KIAA1191: variants seen among roughly 807,000 people sequenced by gnomAD.
KIAA1191 encodes KIAA1191.
A neutral mutation model predicts 31.1 loss-of-function variants in KIAA1191; 22 were observed. That is an observed-to-expected ratio of 0.71 (90% CI 0.51 to 1.01). The LOEUF is 1.01. Among genes scored for constraint, KIAA1191 ranks in the 50% least tolerant of loss-of-function variants. The pLI is 0.00. For missense variants in KIAA1191, 319 were observed against 388.0 expected, an observed-to-expected ratio of 0.82 and a Z score of 1.49; for synonymous variants, 130 against 143.9, an observed-to-expected ratio of 0.90 and a Z score of 0.69.
Position 176,348,278 on chromosome 5 carries a change from G to A in KIAA1191, c.538C>T (p.Pro180Ser). 6.2e-7 allele frequency: 1 copy of A among 1,613,852 alleles called. No homozygotes were observed. Among genetic ancestry groups the A allele is most frequent in the Non-Finnish European group, 8.5e-7 (1 of 1,179,970 alleles). ...ASAQSTPSTT[P>S]HSSPKQRPRG... ...GGCCTCTGCTTAGGTGAAGAGTGCG[G>A]AGTGGTGCTTGGGGTGGACTGGGCT... is the stretch of plus-strand genomic sequence containing the variant. Residue 180 changes from proline to serine, a missense_variant, in exon 7 of 9, where the codon CCG becomes TCG. Physicochemically the swap from Pro to Ser is moderately conservative, Grantham distance 74. Transcript: ENST00000298569.
rs1766560817 is a variant in KIAA1191 at position 176,346,997 on chromosome 5, G to A, written c.*603C>T. The A allele has an allele frequency of 6.6e-6, 1 of 152,174 alleles. No individual in the cohort carries two copies. Among genetic ancestry groups the A allele is most frequent in the East Asian group, 1.9e-4 (1 of 5,208 alleles). The allele number at this position is 152,174 out of a possible 1,614,324, so 9.4% of individuals were successfully genotyped here. A position where few individuals can be genotyped will look rare whatever the true frequency, so the allele number is the denominator to read the frequency against. ...AGTACAAACATTCTTTACCTAGTAAGCAGTGATCAAAGTTCTTACCTAGGG... is the reference window on the plus strand; with the variant it reads ...AGTACAAACATTCTTTACCTAGTAAACAGTGATCAAAGTTCTTACCTAGGG... On this transcript the variant is annotated 3_prime_UTR_variant, in exon 9 of 9. Transcript: ENST00000298569.
intron 3 of KIAA1191, among the ~76,000 whole-genome samples, chr5:176,359,017 G>A (rs1341429496): frequency 6.6e-6 from 1 of 150,918 alleles, no homozygotes; most frequent in Non-Finnish European, 1.5e-5. Context: ...CCGGGAGGCG[G>A]AGCTTGCAGT....
In KIAA1191 at chr5:176,347,753, C is replaced by T. The variant is rs1766637337; in HGVS notation, c.765G>A (p.Leu255=). The change falls in exon 9 of 9, where the codon CTG becomes CTA. Residue 255 remains leucine (L), a synonymous_variant. Coordinates refer to ENST00000298569, the MANE Select transcript of KIAA1191 (RefSeq NM_020444.5). ...RGAQKPSPLE[L]IRAQANRMAE... is the part of the protein sequence containing the mutation. ...CCATTCGGTTGGCCTGGGCACGTAT[C>T]AGTTCCAATGGAGAGGGCTTCTGGG... 1 of 1,610,200 alleles carries T rather than the reference C, an allele frequency of 6.2e-7. No individual in the cohort carries two copies. The highest frequency in any genetic ancestry group is 8.5e-7 in the Non-Finnish European group (1 of 1,178,362).
chr5:176,358,573 G>A (rs375923298), intron 3 of KIAA1191, among the ~76,000 whole-genome samples: 11 of 151,982 alleles, frequency 7.2e-5, no homozygotes, highest in South Asian at 2.1e-4. Context: ...AAAATTAGCC[G>A]GGCGTGGTGG....
chr5:176,347,530 G>T lies in KIAA1191; in HGVS notation c.*70C>A. Reference sequence around the variant, plus strand: ...AAGTTTTTAAATATACCTTTCCTATGTCAAAGCCAAGGTAAAAGGGGAGTG... The same window carrying T: ...AAGTTTTTAAATATACCTTTCCTATTTCAAAGCCAAGGTAAAAGGGGAGTG... On this transcript the variant is annotated 3_prime_UTR_variant, in exon 9 of 9. Coordinates refer to ENST00000298569, the MANE Select transcript of KIAA1191 (RefSeq NM_020444.5). 2.4e-6 allele frequency: 3 copies of T among 1,261,994 alleles called. No homozygotes were observed. The highest frequency in any genetic ancestry group is 3.2e-6 in the Non-Finnish European group (3 of 935,504). 78.2% of individuals were successfully genotyped at this position (1,261,994 alleles called of 1,614,324 possible).
At chr5:176,348,116 G>C (rs2113455066) in intron 7 of KIAA1191, 53 bp from the exon 8 acceptor site, 4 of 1,607,140 alleles carry the variant, frequency 2.5e-6, no homozygotes, top group Admixed American at 3.4e-5. Flanking sequence ...TTCGCCCCTA[G>C]AAATGTCTCA....
At position 176,350,704 on chromosome 5, in the gene KIAA1191, C is replaced by T. The variant is rs780376526; in HGVS notation, c.368G>A (p.Arg123Gln). ...QTQESIQHFERQAGLRDAGYT... is the reference protein window; with the variant it reads ...QTQESIQHFEQQAGLRDAGYT... ...GCCAGCATCTCTCAGCCCTGCCTGT[C>T]GCTCAAAATGCTGAATGCTTTCCTG... The change falls in exon 6 of 9, where the codon CGA becomes CAA. Residue 123 changes from arginine to glutamine, a missense_variant. Arg to Gln is a conservative substitution (Grantham distance 43). Transcript: ENST00000298569. 9.9e-6 allele frequency: 16 copies of T among 1,614,024 alleles called. No homozygotes were observed. In the African/African-American group the frequency reaches 1.2e-4, roughly 12 times the overall value.
At chr5:176,351,148 C>T (rs1766957138) in intron 5 of KIAA1191, among the ~76,000 whole-genome samples, 1 of 151,910 alleles carries the variant, frequency 6.6e-6, no homozygotes, top group Non-Finnish European at 1.5e-5. Context: ...CCAGACCATC[C>T]TGGCTAACAA....
In KIAA1191 at chr5:176,360,219, C is replaced by G. The variant is rs977765523; in HGVS notation, c.-167-301G>C. Among the ~76,000 whole-genome samples, 39 of 146,602 alleles carry G rather than the reference C, an allele frequency of 2.7e-4. No homozygotes were observed. The Admixed American group carries it at 2.7e-3, about 10-fold the overall frequency. On this transcript the variant is annotated intron_variant, in intron 1 of 8. Coordinates refer to ENST00000298569, the MANE Select transcript of KIAA1191 (RefSeq NM_020444.5). ...TCGCCCAGGCTGGAGTGCAGTGGCG[C>G]GATCTTGGCTCACTGCAAGCTCCAC...
intron 5 of KIAA1191, 141 bp from the exon 6 acceptor site, chr5:176,350,878 G>C: frequency 9.8e-7 from 1 of 1,018,490 alleles, no homozygotes; most frequent in Middle Eastern, 2.2e-4. Context: ...TCCCCAGAGA[G>C]GCACCACAGC....
intron 3 of KIAA1191, among the ~76,000 whole-genome samples, chr5:176,356,949 G>A (rs552463023): frequency 1.6e-3 from 249 of 152,248 alleles, no homozygotes; most frequent in Non-Finnish European, 2.4e-3. Context: ...CCAGGGAGTG[G>A]GTGGGGGGAG....
At position 176,348,306 on chromosome 5, in the gene KIAA1191, T is replaced by C. The variant is rs1766697272; in HGVS notation, c.510A>G (p.Ala170=). The C allele has an allele frequency of 6.2e-6, 10 of 1,613,772 alleles. No homozygotes were observed. In the South Asian group the frequency reaches 9.9e-5, roughly 16 times the overall value. ...GEVTKEERQP[A]SAQSTPSTTP... is the part of the protein sequence containing the mutation. Reference sequence around the variant, plus strand: ...TGGTGCTTGGGGTGGACTGGGCTGATGCAGGCTGCCTCTCTTCTTTTGTTA... The same window carrying C: ...TGGTGCTTGGGGTGGACTGGGCTGACGCAGGCTGCCTCTCTTCTTTTGTTA... Residue 170 remains alanine, a synonymous_variant, in exon 7 of 9, where the codon GCA becomes GCG. Coordinates refer to ENST00000298569, the MANE Select transcript of KIAA1191 (RefSeq NM_020444.5).
rs1296059605 is a variant in KIAA1191 at position 176,361,671 on chromosome 5, G to A, written c.-237C>T. 6.6e-6 allele frequency: 1 copy of A among 152,432 alleles called. No individual in the cohort carries two copies. The highest frequency in any genetic ancestry group is 1.9e-4 in the East Asian group (1 of 5,194). The allele number at this position is 152,432 out of a possible 1,614,324, so 9.4% of individuals were successfully genotyped here. On this transcript the variant is annotated 5_prime_UTR_variant, in exon 1 of 9. The change creates a new upstream start codon in the 5' untranslated region. Transcript: ENST00000298569. This position sits in a 1 kb window ranked among gnomAD's most constrained non-coding sequence, Gnocchi z 4.0. ...CACTAAAAAGGTTCCGAGGGCCCAC[G>A]TCTCCCGAGAGGCTGTGGCGCAGTC...
chr5:176,352,500 C>A lies in KIAA1191; in HGVS notation c.334+122G>T, dbSNP rs1390769731. The A allele has an allele frequency of 2.4e-5, 28 of 1,172,252 alleles. No individual in the cohort carries two copies. In the East Asian group the frequency reaches 6.9e-4, roughly 29 times the overall value. 72.6% of individuals were successfully genotyped at this position (1,172,252 alleles called of 1,614,324 possible). A position where few individuals can be genotyped will look rare whatever the true frequency, so the allele number is the denominator to read the frequency against. On this transcript the variant is annotated intron_variant, in intron 5 of 8. Transcript: ENST00000298569. ...ATACTGACATGATTCAGCAGCCAAACTGACATTTTTTAGGATAAGGTAAGG... is the reference window on the plus strand; with the variant it reads ...ATACTGACATGATTCAGCAGCCAAAATGACATTTTTTAGGATAAGGTAAGG...
At position 176,355,795 on chromosome 5, in the gene KIAA1191, A is replaced by G. The variant is rs761065611; in HGVS notation, c.29-46T>C. 19 of 1,559,282 alleles carry G rather than the reference A, an allele frequency of 1.2e-5. No homozygotes were observed. The Admixed American group carries it at 1.8e-4, about 15-fold the overall frequency. On this transcript the variant is annotated intron_variant, in intron 3 of 8. Transcript: ENST00000298569. This position sits in a 1 kb window ranked among gnomAD's most constrained non-coding sequence, Gnocchi z 4.2. ...CAAGACAGGTTCAGCAACTGGACAT[A>G]CTAGCAGCTTTAAATTAATCTACAG...
chr5:176,349,861 G>T (rs1766838800), intron 6 of KIAA1191, among the ~76,000 whole-genome samples: 1 of 152,112 alleles, frequency 6.6e-6, no homozygotes, highest in Non-Finnish European at 1.5e-5. Context: ...CTTGCCTAAA[G>T]AAGACAGCCC....
At position 176,346,904 on chromosome 5, in the gene KIAA1191, C is replaced by T. The variant is rs1377802963; in HGVS notation, c.*696G>A. 6.6e-6 allele frequency: 1 copy of T among 152,210 alleles called. No individual in the cohort carries two copies. The highest frequency in any genetic ancestry group is 2.4e-5 in the African/African-American group (1 of 41,448). The allele number at this position is 152,210 out of a possible 1,614,324, so 9.4% of individuals were successfully genotyped here. On this transcript the variant is annotated 3_prime_UTR_variant, in exon 9 of 9. Transcript: ENST00000298569. Reference sequence around the variant, plus strand: ...CGTCTTAGCGAGTCAGTGAGCACCTCTAAGCCATGATTTGTCAATGCTCAC... The same window carrying T: ...CGTCTTAGCGAGTCAGTGAGCACCTTTAAGCCATGATTTGTCAATGCTCAC...
At chr5:176,348,388 A>T (rs199631408) in intron 6 of KIAA1191, 32 bp from the exon 7 acceptor site, 3 of 1,556,500 alleles carry the variant, frequency 1.9e-6, no homozygotes, top group African/African-American at 1.4e-5. Flanking sequence ...GAGACTTTTT[A>T]AAAATGAAAG....
intron 5 of KIAA1191, 82 bp from the exon 6 acceptor site, chr5:176,350,819 C>T: frequency 3.2e-6 from 5 of 1,539,906 alleles, no homozygotes; most frequent in Non-Finnish European, 3.5e-6. Context: ...ATCTACTATT[C>T]TCCCCAGAAG....
Sources: allele counts gnomAD v4.1 joint callset (sites outside exome capture counted in the v4.1 genomes callset), GRCh38; gene constraint gnomAD v4.1.1; non-coding constraint Gnocchi (gnomAD v3.1); transcripts MANE v1.5; gene names NCBI Gene and HGNC (gene_info 2026-07-23, HGNC 2026-07-21).